NRG3: variants seen among roughly 807,000 people sequenced by gnomAD.
The protein encoded by NRG3 is pro-neuregulin-3, membrane-bound isoform.
A neutral mutation model predicts 66.9 loss-of-function variants in NRG3; 31 were observed. The ratio of observed to expected loss-of-function variants is 0.46; its 90% confidence interval spans 0.35 to 0.63. The LOEUF (loss-of-function observed/expected upper bound fraction) is 0.63. Ranked by LOEUF, NRG3 falls within the 20% of genes least tolerant of loss-of-function variation. The probability of loss-of-function intolerance (pLI) is 0.00; values close to 1 mark genes in which losing one functional copy is unlikely to be tolerated. For synonymous variants in NRG3, 393 were observed against 359.4 expected, an observed-to-expected ratio of 1.09 and a Z score of -1.06; for missense variants, 910 against 878.9, an observed-to-expected ratio of 1.04 and a Z score of -0.45.
intron 1 of NRG3, among the ~76,000 whole-genome samples, chr10:82,245,893 AATAC>A (rs1189451713): frequency 6.6e-6 from 1 of 151,874 alleles, no homozygotes; most frequent in Non-Finnish European, 1.5e-5. Context: ...GGTACGTTAG[AATAC>A]ATTTATCCTA....
intron 1 of NRG3, among the ~76,000 whole-genome samples, chr10:82,228,015 A>G (rs1447233545): frequency 1.3e-5 from 2 of 152,166 alleles, no homozygotes; most frequent in African/African-American, 2.4e-5. Context: ...TAGTGTACCT[A>G]TTGATGGTCC....
intron 2 of NRG3, among the ~76,000 whole-genome samples, chr10:82,516,221 A>C (rs1165126348): frequency 2.6e-5 from 4 of 151,974 alleles, no homozygotes. Context: ...GAGAGGAGGC[A>C]ATGAGGTTTG....
At chr10:82,116,597 G>A (rs2067735716) in intron 1 of NRG3, among the ~76,000 whole-genome samples, 1 of 152,104 alleles carries the variant, frequency 6.6e-6, no homozygotes, top group Non-Finnish European at 1.5e-5. Flanking sequence ...TCATTTAAGA[G>A]CCTATATTTT....
chr10:82,266,406 C>G (rs1057447897), intron 1 of NRG3, among the ~76,000 whole-genome samples: 1 of 152,074 alleles, frequency 6.6e-6, no homozygotes, highest in East Asian at 1.9e-4. Context: ...CGTGCAGAGT[C>G]CAGTGGGCCT....
intron 4 of NRG3, among the ~76,000 whole-genome samples, chr10:82,919,560 C>T (rs919083605): frequency 3.3e-5 from 5 of 152,108 alleles, no homozygotes; most frequent in African/African-American, 1.2e-4. Flanking sequence ...AATATTTTGC[C>T]TTTCCCAACC....
chr10:82,304,672 CT>C (rs2080606471), intron 1 of NRG3, among the ~76,000 whole-genome samples: 1 of 145,982 alleles, frequency 6.9e-6, no homozygotes, highest in Non-Finnish European at 1.5e-5. Flanking sequence ...TCCCTGTTTT[CT>C]TGTTAGTTGT....
At chr10:82,397,472 A>G (rs139051682) in intron 2 of NRG3, among the ~76,000 whole-genome samples, 223 of 152,356 alleles carry the variant, frequency 1.5e-3, no homozygotes, top group African/African-American at 5.0e-3. Context: ...AAAATTAAAC[A>G]TAGTGAGCCA....
rs540746136 is a variant in NRG3 at position 82,512,852 on chromosome 10, A to G, written c.953+153984A>G. On this transcript the variant is annotated intron_variant, in intron 2 of 8. Transcript: ENST00000372141. ...TTTGTAAACTTGTCCTTTTAGTTCA[A>G]TATCATTTTTTTAAAATTCATTCAC... is the stretch of plus-strand genomic sequence containing the variant. 1.6e-4 allele frequency among the ~76,000 whole-genome samples: 24 copies of G among 152,294 alleles called. 1 individual carries two copies. The South Asian group carries it at 5.0e-3, about 32-fold the overall frequency.
intron 4 of NRG3, among the ~76,000 whole-genome samples, chr10:82,926,971 G>T (rs1847066709): frequency 6.6e-6 from 1 of 152,022 alleles, no homozygotes; most frequent in Non-Finnish European, 1.5e-5. Flanking sequence ...TATCCTTCTG[G>T]TCTCCAGTTT....
rs576504354 is a variant in NRG3, at chr10:82,329,403, T to C, written c.824-29336T>C. Among the ~76,000 whole-genome samples, 705 of 146,546 alleles carry C rather than the reference T, an allele frequency of 4.8e-3. 5 individuals carry two copies. Among genetic ancestry groups the C allele is most frequent in the African/African-American group, 0.018 (675 of 37,420 alleles). On this transcript the variant is annotated intron_variant, in intron 1 of 8. Coordinates refer to ENST00000372141, the MANE Select transcript of NRG3 (RefSeq NM_001010848.4). ...GGTAAATGAGTGCTAAGTTTTTTTG[T>C]TTTGTTGTTTGTTTGGTGGGTTTTT...
At chr10:81,948,471 C>T (rs1181178429) in intron 1 of NRG3, among the ~76,000 whole-genome samples, 1 of 152,184 alleles carries the variant, frequency 6.6e-6, no homozygotes, top group Non-Finnish European at 1.5e-5. Flanking sequence ...TTTTGTCACT[C>T]CCAGCTGATT....
chr10:81,947,291 C>T (rs928223757), intron 1 of NRG3, among the ~76,000 whole-genome samples: 1 of 152,104 alleles, frequency 6.6e-6, no homozygotes, highest in Admixed American at 6.6e-5. Flanking sequence ...ACTCCAGCAA[C>T]CTCATTTTAA....
chr10:82,636,498 TA>T (rs1271266359), intron 2 of NRG3, among the ~76,000 whole-genome samples: 1 of 152,234 alleles, frequency 6.6e-6, no homozygotes, highest in Non-Finnish European at 1.5e-5. Context: ...TGTTCACATA[TA>T]AGTGAGACCA....
chr10:82,157,657 A>G (rs1012401865), intron 1 of NRG3, among the ~76,000 whole-genome samples: 1 of 151,568 alleles, frequency 6.6e-6, no homozygotes, highest in African/African-American at 2.4e-5. Context: ...GCTGGGAAGC[A>G]TGGGGAGAAT....
intron 3 of NRG3, among the ~76,000 whole-genome samples, chr10:82,776,202 A>G (rs1240552822): frequency 1.3e-5 from 2 of 152,078 alleles, no homozygotes; most frequent in Non-Finnish European, 2.9e-5. Flanking sequence ...TGGCTATACC[A>G]TTTTAGGTTG....
intron 2 of NRG3, among the ~76,000 whole-genome samples, chr10:82,507,103 AGCAATGT>A (rs1844749961): frequency 6.6e-6 from 1 of 152,228 alleles, no homozygotes; most frequent in African/African-American, 2.4e-5. Context: ...AGAATGAAAG[AGCAATGT>A]GCTGTCATAA....
intron 1 of NRG3, among the ~76,000 whole-genome samples, chr10:82,282,519 C>T (rs946580482): frequency 1.7e-4 from 26 of 152,078 alleles, no homozygotes; most frequent in African/African-American, 6.0e-4. Flanking sequence ...GGGCTCAGGA[C>T]CAGAATGCCT....
At chr10:82,346,455 G>C (rs893395838) in intron 1 of NRG3, among the ~76,000 whole-genome samples, 2 of 145,024 alleles carry the variant, frequency 1.4e-5, no homozygotes, top group Non-Finnish European at 1.5e-5. Context: ...TGTGCTGCTG[G>C]ATTCGGTTTG....
intron 1 of NRG3, among the ~76,000 whole-genome samples, chr10:82,017,435 G>A (rs1246964717): frequency 6.6e-6 from 1 of 152,094 alleles, no homozygotes; most frequent in African/African-American, 2.4e-5. Flanking sequence ...ATGATTTATA[G>A]TCCTTTGGGT....
Sources: gnomAD v4.1 joint callset for allele counts (sites outside exome capture counted in the v4.1 genomes callset) on GRCh38, gnomAD v4.1.1 for gene constraint, MANE v1.5 for transcripts, NCBI Gene and HGNC (gene_info 2026-07-23, HGNC 2026-07-21) for gene names.